Variants in ITGB2 observed in about 807,000 individuals in gnomAD.
The protein encoded by ITGB2 is integrin beta-2.
In ITGB2, 56 loss-of-function variants were observed where a neutral mutation model predicts 86.8. That is an observed-to-expected ratio of 0.65 (90% confidence interval 0.52 to 0.81). The LOEUF is 0.81. Among genes scored for constraint, ITGB2 ranks in the 30% least tolerant of loss-of-function variants. The pLI, the probability that ITGB2 is intolerant of heterozygous loss-of-function variation, is 0.00. For missense variants in ITGB2, 948 were observed against 1,061.2 expected, an observed-to-expected ratio of 0.89 and a Z score of 1.48; for synonymous variants, 457 against 450.4, an observed-to-expected ratio of 1.01 and a Z score of -0.19.
chr21:44,919,705 C>T (rs2084270639), intron 1 of ITGB2, among the ~76,000 whole-genome samples: 1 of 152,238 alleles, frequency 6.6e-6, no homozygotes, highest in Non-Finnish European at 1.5e-5. Flanking sequence ...CATCCCCCCC[C>T]TTCCCCATTG....
intron 5 of ITGB2, among the ~76,000 whole-genome samples, chr21:44,902,206 G>A (rs1000246667): frequency 2.0e-5 from 3 of 152,362 alleles, no homozygotes; most frequent in Admixed American, 6.5e-5. Flanking sequence ...GTTTATGTAC[G>A]ATTTATACAT....
intron 1 of ITGB2, among the ~76,000 whole-genome samples, chr21:44,917,142 A>G (rs992994833): frequency 1.3e-4 from 20 of 152,204 alleles, no homozygotes; most frequent in African/African-American, 4.6e-4. Flanking sequence ...TCACCCCAGG[A>G]AAGAACCAGG....
At chr21:44,887,008 G>A (rs2146491885) in intron 14 of ITGB2, 106 bp from the exon 15 acceptor site, 1 of 1,382,894 alleles carries the variant, frequency 7.2e-7, no homozygotes, top group South Asian at 1.2e-5. Flanking sequence ...GAGAGACGGA[G>A]GTTCCCAGGG....
intron 12 of ITGB2, 141 bp downstream of exon 12, chr21:44,889,837 C>A: frequency 1.6e-6 from 2 of 1,273,820 alleles, no homozygotes; most frequent in East Asian, 2.4e-5. Flanking sequence ...TGCTGACGCC[C>A]GGTGGCTGGG....
chr21:44,911,815 C>A (rs1345063168), intron 1 of ITGB2, among the ~76,000 whole-genome samples: 1 of 152,156 alleles, frequency 6.6e-6, no homozygotes, highest in African/African-American at 2.4e-5. Context: ...CACCTCCTAG[C>A]GGGCAGCAGG....
intron 7 of ITGB2, 95 bp from the exon 8 acceptor site, chr21:44,899,257 C>A (rs920320211): frequency 1.1e-6 from 1 of 944,304 alleles, no homozygotes; most frequent in African/African-American, 1.6e-5. Context: ...CAGCCCTGCC[C>A]GTGCTTCGAA....
chr21:44,889,849 G>A (rs927242792), intron 12 of ITGB2, 129 bp downstream of exon 12: 87 of 1,375,726 alleles, frequency 6.3e-5, no homozygotes, highest in South Asian at 2.5e-4. Context: ...GTGGCTGGGC[G>A]AGACTTGCAC....
At chr21:44,893,315 A>AGT in intron 10 of ITGB2, 89 bp downstream of exon 10, 1 of 1,517,110 alleles carries the variant, frequency 6.6e-7, no homozygotes, top group South Asian at 1.1e-5. Context: ...AGGACCCCTC[A>AGT]GTGTGCTGGG....
chr21:44,897,387 C>G (rs1224809272), intron 8 of ITGB2, among the ~76,000 whole-genome samples: 1 of 152,184 alleles, frequency 6.6e-6, no homozygotes, highest in East Asian at 1.9e-4. Context: ...TGGGCAGAGC[C>G]CCAGGCAGGG....
At chr21:44,889,906 C>G (rs1253162892) in intron 12 of ITGB2, 72 bp downstream of exon 12, 10 of 1,593,094 alleles carry the variant, frequency 6.3e-6, no homozygotes, top group African/African-American at 2.7e-5. Context: ...GTTGAATGGT[C>G]CAGAACGCAC....
At chr21:44,923,536 G>C (rs917634344), upstream of ITGB2, among the ~76,000 whole-genome samples, 7 of 152,148 alleles carry the variant, frequency 4.6e-5, no homozygotes, top group African/African-American at 1.7e-4. Flanking sequence ...TATTTTTGAA[G>C]CCACTGTTGG....
At chr21:44,900,577 G>T in intron 6 of ITGB2, 102 bp from the exon 7 acceptor site, 1 of 1,419,018 alleles carries the variant, frequency 7.0e-7, no homozygotes, top group Non-Finnish European at 9.8e-7. Flanking sequence ...TGGCCCGGAG[G>T]CTGGTGTGGG....
At chr21:44,901,834 G>A in intron 5 of ITGB2, 101 bp from the exon 6 acceptor site, 1 of 1,339,944 alleles carries the variant, frequency 7.5e-7, no homozygotes, top group Admixed American at 2.3e-5. Context: ...CTCTCTCCTA[G>A]CAGGGAGGTG....
chr21:44,926,760 T>G (rs553284846), intron 1 of ITGB2: 1 of 152,368 alleles, frequency 6.6e-6, no homozygotes, highest in Non-Finnish European at 1.5e-5. Context: ...TTCCCTCCAG[T>G]CAGCCCAGAA....
chr21:44,914,636 G>C (rs1024546765), intron 1 of ITGB2, among the ~76,000 whole-genome samples: 1 of 152,226 alleles, frequency 6.6e-6, no homozygotes, highest in East Asian at 1.9e-4. Flanking sequence ...ACACAGGAAA[G>C]GAAGAGGCCA....
At chr21:44,921,948 T>C (rs1188898695), upstream of ITGB2, among the ~76,000 whole-genome samples, 2 of 152,224 alleles carry the variant, frequency 1.3e-5, no homozygotes, top group Non-Finnish European at 2.9e-5. Context: ...GGTCTTGAAC[T>C]CCTGGCTTCA....
At chr21:44,910,203 T>C in intron 3 of ITGB2, 81 bp downstream of exon 3, 1 of 1,549,024 alleles carries the variant, frequency 6.5e-7, no homozygotes, top group Non-Finnish European at 8.8e-7. Flanking sequence ...GTTGGTCCTC[T>C]GGGTGCCACT....
At chr21:44,898,626 G>A (rs2083902590) in intron 8 of ITGB2, among the ~76,000 whole-genome samples, 1 of 152,240 alleles carries the variant, frequency 6.6e-6, no homozygotes, top group Non-Finnish European at 1.5e-5. Context: ...AGGAGCAGAG[G>A]CTGGTTATCA....
intron 1 of ITGB2, among the ~76,000 whole-genome samples, chr21:44,927,406 T>C (rs1012159969): frequency 1.3e-5 from 2 of 151,928 alleles, no homozygotes; most frequent in African/African-American, 4.8e-5. Context: ...CACAGGGAGA[T>C]GTCCAAGTGG....
Sources: gnomAD v4.1 joint callset for allele counts (sites outside exome capture counted in the v4.1 genomes callset) on GRCh38, gnomAD v4.1.1 for gene constraint, MANE v1.5 for transcripts, NCBI Gene and HGNC (gene_info 2026-07-23, HGNC 2026-07-21) for gene names.